SLC4A4: variants seen among roughly 807,000 people sequenced by gnomAD.
SLC4A4 encodes electrogenic sodium bicarbonate cotransporter 1.
In SLC4A4, 27 loss-of-function variants were observed where a neutral mutation model predicts 111.5. That is an observed-to-expected ratio of 0.24 (90% CI 0.18 to 0.33). The LOEUF (loss-of-function observed/expected upper bound fraction) is 0.33. SLC4A4 is among the 10% of genes least tolerant of loss of function. SLC4A4 has a pLI of 1.00. For synonymous variants in SLC4A4, 443 were observed against 463.4 expected, an observed-to-expected ratio of 0.96 and a Z score of 0.57; for missense variants, 909 against 1,315.5, an observed-to-expected ratio of 0.69 and a Z score of 4.78.
chr4:71,152,730 A>G (rs532951976), intron 2 of SLC4A4, among the ~76,000 whole-genome samples: 17 of 152,110 alleles, frequency 1.1e-4, no homozygotes, highest in South Asian at 4.2e-4. Flanking sequence ...TATTTACCCA[A>G]TGGTGCCCAC....
At chr4:71,202,265 A>G (rs549163343) in intron 1 of SLC4A4, among the ~76,000 whole-genome samples, 3 of 152,348 alleles carry the variant, frequency 2.0e-5, no homozygotes, top group Admixed American at 6.5e-5. Context: ...TTTGATTCAA[A>G]GTAATGTTCT....
intron 1 of SLC4A4, chr4:71,236,243 T>TG: frequency 9.2e-7 from 1 of 1,082,444 alleles, no homozygotes; most frequent in Non-Finnish European, 1.1e-6. Context: ...TATTTTTTTT[T>TG]TTTTTTTGCT....
intron 2 of SLC4A4, among the ~76,000 whole-genome samples, chr4:71,120,155 T>A (rs1457501160): frequency 6.6e-6 from 1 of 152,182 alleles, no homozygotes; most frequent in Non-Finnish European, 1.5e-5. Flanking sequence ...CTTGTGTCCT[T>A]TGATTGTGGA....
intron 4 of SLC4A4, among the ~76,000 whole-genome samples, chr4:71,348,313 T>TCA (rs35326504): frequency 0.017 from 2,464 of 143,806 alleles, 37 homozygotes; most frequent in African/African-American, 0.039. Flanking sequence ...ACTAATTTAG[T>TCA]CACACACACA....
At chr4:71,280,413 G>T (rs1560842497) in intron 3 of SLC4A4, among the ~76,000 whole-genome samples, 1 of 152,166 alleles carries the variant, frequency 6.6e-6, no homozygotes, top group Non-Finnish European at 1.5e-5. Context: ...GTAGTCCCAT[G>T]TATTTATTTT....
intron 3 of SLC4A4, among the ~76,000 whole-genome samples, chr4:71,330,844 G>A (rs937620144): frequency 5.3e-5 from 8 of 152,028 alleles, no homozygotes; most frequent in Non-Finnish European, 7.4e-5. Context: ...ATCTGACAAA[G>A]GGCTAATATC....
chr4:71,517,192 GTCTC>G (rs948986805), intron 16 of SLC4A4, among the ~76,000 whole-genome samples: 2 of 151,746 alleles, frequency 1.3e-5, no homozygotes, highest in East Asian at 1.9e-4. Context: ...CTACCCCTTT[GTCTC>G]TCTCTTTTTC....
intron 2 of SLC4A4, among the ~76,000 whole-genome samples, chr4:71,174,323 C>T (rs1380140550): frequency 2.0e-5 from 3 of 151,036 alleles, no homozygotes; most frequent in African/African-American, 7.3e-5. Flanking sequence ...GATCTCAGCT[C>T]ACTGCAGTCT....
chr4:71,545,446 A>G (rs73829828), intron 18 of SLC4A4, among the ~76,000 whole-genome samples: 30 of 152,122 alleles, frequency 2.0e-4, no homozygotes, highest in African/African-American at 7.2e-4. Context: ...GTGAAAATGG[A>G]CTGCTCTATT....
intron 24 of SLC4A4, 27 bp downstream of exon 24, chr4:71,563,916 T>G: frequency 2.0e-4 from 259 of 1,270,832 alleles, no homozygotes; most frequent in Non-Finnish European, 2.7e-4. Flanking sequence ...TCTTGCATGC[T>G]TGCTTGAATA....
chr4:71,443,116 C>CTCTCTCTCTCTCTATA (rs1198759861), intron 8 of SLC4A4, among the ~76,000 whole-genome samples: 8 of 65,652 alleles, frequency 1.2e-4, no homozygotes, highest in African/African-American at 3.5e-4. Flanking sequence ...CTCTCTCTCT[C>CTCTCTCTCTCTCTATA]TATATATATA....
At chr4:71,452,169 A>G (rs528302472) in intron 11 of SLC4A4, among the ~76,000 whole-genome samples, 4 of 152,194 alleles carry the variant, frequency 2.6e-5, no homozygotes, top group Admixed American at 2.0e-4. Context: ...AAGTTATTTC[A>G]TTCTCCTGAT....
rs150687139 is a variant in SLC4A4, at chr4:71,557,029, A to G, written c.2764-683A>G. Among the ~76,000 whole-genome samples the G allele has an allele frequency of 7.2e-4, 109 of 152,050 alleles. No individual in the cohort carries two copies. The East Asian group carries it at 0.012, about 17-fold the overall frequency. On this transcript the variant is annotated intron_variant, in intron 21 of 25. Coordinates refer to ENST00000264485, the MANE Select transcript of SLC4A4 (RefSeq NM_001098484.3). ...CACAGCACCTGACACACAGATGCTC[A>G]GTAGTTATTTCAATAGCTGTTTATA...
chr4:71,434,288 G>C (rs182249281), intron 7 of SLC4A4: 1 of 151,890 alleles, frequency 6.6e-6, no homozygotes, highest in Non-Finnish European at 1.5e-5. Flanking sequence ...AGCTACTTTT[G>C]AAATTTTTCT....
intron 13 of SLC4A4, among the ~76,000 whole-genome samples, chr4:71,468,804 A>G (rs72650359): frequency 7.4e-4 from 112 of 151,304 alleles, no homozygotes; most frequent in Non-Finnish European, 1.4e-3. Flanking sequence ...CCCTCTTGGT[A>G]GTTCACTTTA....
Position 71,307,035 on chromosome 4 carries a change from G to A in SLC4A4, c.254-32335G>A, listed in dbSNP as rs16846248. On this transcript the variant is annotated intron_variant, in intron 3 of 25. Coordinates refer to ENST00000264485, the MANE Select transcript of SLC4A4 (RefSeq NM_001098484.3). ...ATGGTTAACAAACTGTTTAATGCGC[G>A]GTAGGAAAGCCAAGTAAGCCTGAAG... Among the ~76,000 whole-genome samples the A allele has an allele frequency of 4.8e-3, 729 of 152,184 alleles. 7 individuals carry two copies. Among genetic ancestry groups the A allele is most frequent in the African/African-American group, 0.016 (653 of 41,522 alleles).
chr4:71,302,377 T>C (rs1725342978), intron 3 of SLC4A4, among the ~76,000 whole-genome samples: 1 of 152,166 alleles, frequency 6.6e-6, no homozygotes, highest in African/African-American at 2.4e-5. Flanking sequence ...ACTTAAAAGG[T>C]CCCTTCCAGA....
At chr4:71,108,028 A>C (rs1245945936) in intron 2 of SLC4A4, among the ~76,000 whole-genome samples, 5 of 152,170 alleles carry the variant, frequency 3.3e-5, no homozygotes, top group Non-Finnish European at 5.9e-5. Context: ...ATACCATATT[A>C]ACTTCAATAA....
At chr4:71,547,081 C>T (rs755127524) in intron 19 of SLC4A4, among the ~76,000 whole-genome samples, 1 of 151,894 alleles carries the variant, frequency 6.6e-6, no homozygotes, top group Non-Finnish European at 1.5e-5. Context: ...ACAGAGCCAT[C>T]GTTTCCCACG....
Sources: allele counts gnomAD v4.1 joint callset (sites outside exome capture counted in the v4.1 genomes callset), GRCh38; gene constraint gnomAD v4.1.1; transcripts MANE v1.5; gene names NCBI Gene and HGNC (gene_info 2026-07-23, HGNC 2026-07-21).